Variants in COX17 observed in about 807,000 individuals in gnomAD.
COX17 encodes cytochrome c oxidase copper chaperone COX17.
COX17 carries 1 observed loss-of-function variant against 6.3 expected under a neutral mutation model. The observed-to-expected ratio is 0.16, with a 90% CI of 0.06 to 0.75. The LOEUF (loss-of-function observed/expected upper bound fraction) is 0.75, where lower values mean the gene tolerates loss of function less well. COX17 is among the 30% of genes least tolerant of loss of function. The probability of loss-of-function intolerance (pLI) is 0.77; values close to 1 mark genes in which losing one functional copy is unlikely to be tolerated. For synonymous variants in COX17, 26 were observed against 30.5 expected (o/e 0.85, Z 0.49); for missense variants, 73 against 81.2 (o/e 0.90, Z 0.39).
intron 2 of COX17, among the ~76,000 whole-genome samples, chr3:119,673,165 T>C (rs1247013106): frequency 6.6e-6 from 1 of 152,214 alleles, no homozygotes; most frequent in East Asian, 1.9e-4. Context: ...GCATGGAGAC[T>C]GAGGCTCCAG....
intron 2 of COX17, among the ~76,000 whole-genome samples, chr3:119,673,321 G>C (rs952765727): frequency 2.6e-5 from 4 of 152,184 alleles, no homozygotes; most frequent in African/African-American, 9.7e-5. Flanking sequence ...GACAGTAAAT[G>C]AAATAGAAAA....
At chr3:119,674,690 T>C (rs115819527) in intron 2 of COX17, 3,577 of 155,888 alleles carry the variant, frequency 0.023, 49 homozygotes, top group Middle Eastern at 0.069. Flanking sequence ...CCCAGTTACT[T>C]AGGAGGCTGA....
At chr3:119,667,749 G>A (rs1411620747), downstream of COX17, among the ~76,000 whole-genome samples, 1 of 150,430 alleles carries the variant, frequency 6.6e-6, no homozygotes, top group East Asian at 1.9e-4. Flanking sequence ...AGACAGAGGT[G>A]AGAATGTCAT....
intron 2 of COX17, 135 bp from the exon 3 acceptor site, chr3:119,669,800 G>A (rs1265006214): frequency 6.6e-6 from 1 of 152,002 alleles, no homozygotes; most frequent in Non-Finnish European, 1.5e-5. Context: ...TTCCAAATCA[G>A]TCATAAAATT....
At chr3:119,665,480 T>A (rs535940413), downstream of COX17, among the ~76,000 whole-genome samples, 3 of 152,306 alleles carry the variant, frequency 2.0e-5, no homozygotes, top group South Asian at 6.2e-4. Context: ...GTTCAAGCGA[T>A]CTTCTCACCC....
intron 2 of COX17, among the ~76,000 whole-genome samples, chr3:119,671,418 T>G (rs1023784139): frequency 3.3e-5 from 5 of 152,202 alleles, no homozygotes; most frequent in African/African-American, 1.2e-4. Context: ...CTACAAAGGT[T>G]TTTGAATTAA....
At chr3:119,670,473 C>CA (rs1176908297) in intron 2 of COX17, among the ~76,000 whole-genome samples, 1 of 152,050 alleles carries the variant, frequency 6.6e-6, no homozygotes, top group Non-Finnish European at 1.5e-5. Flanking sequence ...GAAAGATAAC[C>CA]AAAAACGAAG....
chr3:119,676,765 T>G, intron 1 of COX17: 2 of 686,412 alleles, frequency 2.9e-6, no homozygotes, highest in East Asian at 2.8e-5. Context: ...TATGTCTCCA[T>G]TAACTTTAAG....
downstream of COX17, chr3:119,669,140 C>T (rs2053018835): frequency 6.6e-6 from 1 of 151,646 alleles, no homozygotes; most frequent in African/African-American, 2.4e-5. Context: ...GCCAAATTAC[C>T]CTAATCTGGT....
At chr3:119,675,369 A>C in intron 1 of COX17, 136 bp from the exon 2 acceptor site, 1 of 627,880 alleles carries the variant, frequency 1.6e-6, no homozygotes, top group East Asian at 2.8e-5. Flanking sequence ...TATTACCTCA[A>C]ACAGCTTTGT....
At chr3:119,666,366 G>A (rs2052992778), downstream of COX17, among the ~76,000 whole-genome samples, 1 of 152,128 alleles carries the variant, frequency 6.6e-6, no homozygotes. Flanking sequence ...AAAATAACTT[G>A]AGTCTTGGAT....
chr3:119,665,693 C>A (rs1021830754), downstream of COX17, among the ~76,000 whole-genome samples: 1 of 152,208 alleles, frequency 6.6e-6, no homozygotes, highest in African/African-American at 2.4e-5. Context: ...TTCTTGAAAG[C>A]ACCACTGAGC....
At chr3:119,670,744 G>C (rs2053034826) in intron 2 of COX17, among the ~76,000 whole-genome samples, 1 of 116,900 alleles carries the variant, frequency 8.6e-6, no homozygotes, top group African/African-American at 3.3e-5. Flanking sequence ...TTTCATACAT[G>C]ATCAGTTTTG....
chr3:119,675,304 G>A (rs548868790), intron 1 of COX17, 71 bp from the exon 2 acceptor site: 2 of 1,093,444 alleles, frequency 1.8e-6, no homozygotes, highest in Admixed American at 3.5e-5. Context: ...GATAGTGATG[G>A]GGAGTGAGAC....
At chr3:119,664,625 T>C (rs1242576053), downstream of COX17, among the ~76,000 whole-genome samples, 1 of 152,216 alleles carries the variant, frequency 6.6e-6, no homozygotes, top group African/African-American at 2.4e-5. Flanking sequence ...TCAACAAGTG[T>C]GGTCATGAAC....
intron 2 of COX17, among the ~76,000 whole-genome samples, chr3:119,672,323 C>G (rs975335653): frequency 6.6e-6 from 1 of 152,238 alleles, no homozygotes; most frequent in Non-Finnish European, 1.5e-5. Flanking sequence ...AATTCTCACT[C>G]TCTGCCCTGA....
chr3:119,674,996 C>A, intron 2 of COX17, 149 bp downstream of exon 2: 2 of 608,328 alleles, frequency 3.3e-6, no homozygotes, highest in East Asian at 5.5e-5. Flanking sequence ...ATAATTTACT[C>A]CCTTCATTGG....
intron 1 of COX17, 67 bp from the exon 2 acceptor site, chr3:119,675,300 G>C: frequency 1.8e-6 from 2 of 1,119,184 alleles, no homozygotes; most frequent in Non-Finnish European, 2.7e-6. Flanking sequence ...GCATGATAGT[G>C]ATGGGGAGTG....
chr3:119,671,200 G>C (rs937232933), intron 2 of COX17, among the ~76,000 whole-genome samples: 2 of 152,166 alleles, frequency 1.3e-5, no homozygotes, highest in Non-Finnish European at 2.9e-5. Flanking sequence ...TCATCTAGGA[G>C]TTTCTCAGTC....
Sources: gnomAD v4.1 joint callset for allele counts (sites outside exome capture counted in the v4.1 genomes callset) on GRCh38, gnomAD v4.1.1 for gene constraint, MANE v1.5 for transcripts, NCBI Gene and HGNC (gene_info 2026-07-23, HGNC 2026-07-21) for gene names.